GNAQ: variants seen among roughly 807,000 people sequenced by gnomAD.
GNAQ encodes G protein subunit alpha q.
Under a neutral mutation model 43.9 loss-of-function variants are expected in GNAQ, and 8 were observed. The ratio of observed to expected loss-of-function variants is 0.18; its 90% CI spans 0.11 to 0.33. The LOEUF is 0.33. Ranked by LOEUF, GNAQ falls within the 10% of genes least tolerant of loss-of-function variation. GNAQ has a pLI of 1.00. For missense variants in GNAQ, 158 were observed against 450.8 expected, an observed-to-expected ratio of 0.35 and a Z score of 5.88; for synonymous variants, 155 against 170.7, an observed-to-expected ratio of 0.91 and a Z score of 0.71.
chr9:77,999,257 A>C (rs1000185061), intron 1 of GNAQ, among the ~76,000 whole-genome samples: 1 of 152,200 alleles, frequency 6.6e-6, no homozygotes, highest in Non-Finnish European at 1.5e-5. Context: ...TACATGATTC[A>C]ATTCTAGTCA....
At chr9:77,734,133 C>T (rs1373246957) in intron 5 of GNAQ, among the ~76,000 whole-genome samples, 1 of 152,208 alleles carries the variant, frequency 6.6e-6, no homozygotes, top group African/African-American at 2.4e-5. Flanking sequence ...TCCTTATCCC[C>T]CTCCACCATA....
At chr9:77,844,256 C>G (rs929930894) in intron 2 of GNAQ, among the ~76,000 whole-genome samples, 4 of 152,070 alleles carry the variant, frequency 2.6e-5, no homozygotes, top group Non-Finnish European at 4.4e-5. Flanking sequence ...AATAATGATC[C>G]CACTCCTGGG....
At chr9:77,827,405 A>G (rs1324611960) in intron 2 of GNAQ, among the ~76,000 whole-genome samples, 1 of 149,876 alleles carries the variant, frequency 6.7e-6, no homozygotes, top group East Asian at 2.0e-4. Context: ...AAAAAAACTG[A>G]GCAACTTGCA....
chr9:77,856,812 T>A (rs552137704), intron 2 of GNAQ, among the ~76,000 whole-genome samples: 2 of 152,376 alleles, frequency 1.3e-5, no homozygotes, highest in African/African-American at 4.8e-5. Flanking sequence ...TTATTACTTT[T>A]CATTGTTTAA....
intron 5 of GNAQ, among the ~76,000 whole-genome samples, chr9:77,763,167 G>GT (rs1826082207): frequency 6.8e-6 from 1 of 148,058 alleles, no homozygotes; most frequent in African/African-American, 2.6e-5. Context: ...AAAGGAAAAG[G>GT]TAAGTGCCAG....
chr9:77,844,916 C>G (rs1827557945), intron 2 of GNAQ, among the ~76,000 whole-genome samples: 1 of 152,146 alleles, frequency 6.6e-6, no homozygotes, highest in Non-Finnish European at 1.5e-5. Flanking sequence ...CTTGGGTGAT[C>G]TGCCTGCCTC....
intron 1 of GNAQ, among the ~76,000 whole-genome samples, chr9:77,938,799 A>G (rs1345554770): frequency 6.6e-6 from 1 of 152,242 alleles, no homozygotes. Flanking sequence ...CATACAGGCT[A>G]GAAGCGCGAT....
chr9:77,924,844 C>A (rs1301082867), intron 1 of GNAQ, among the ~76,000 whole-genome samples: 2 of 152,108 alleles, frequency 1.3e-5, no homozygotes, highest in Non-Finnish European at 2.9e-5. Context: ...GATCCTTTCT[C>A]AACCATCTCA....
intron 2 of GNAQ, among the ~76,000 whole-genome samples, chr9:77,826,725 A>G (rs1827203780): frequency 6.6e-6 from 1 of 152,354 alleles, no homozygotes; most frequent in East Asian, 1.9e-4. Flanking sequence ...TGAGGTAATG[A>G]TAACTATGTC....
At chr9:77,977,821 T>C (rs916617650) in intron 1 of GNAQ, among the ~76,000 whole-genome samples, 1 of 152,196 alleles carries the variant, frequency 6.6e-6, no homozygotes, top group South Asian at 2.1e-4. Context: ...GATCCAACCA[T>C]GAAACCAGTT....
At chr9:77,842,261 T>C (rs931824573) in intron 2 of GNAQ, among the ~76,000 whole-genome samples, 5 of 152,192 alleles carry the variant, frequency 3.3e-5, no homozygotes, top group Non-Finnish European at 7.3e-5. Flanking sequence ...GCATGGAAAC[T>C]ACCACTTGGG....
chr9:77,726,925 TTCTATC>T (rs1458165862), intron 6 of GNAQ, among the ~76,000 whole-genome samples: 3 of 152,194 alleles, frequency 2.0e-5, no homozygotes, highest in Non-Finnish European at 4.4e-5. Flanking sequence ...TTGCAAACAA[TTCTATC>T]TCTGTCACAA....
chr9:77,818,438 A>AT (rs1285573415), intron 2 of GNAQ, among the ~76,000 whole-genome samples: 1 of 151,314 alleles, frequency 6.6e-6, no homozygotes, highest in African/African-American at 2.4e-5. Flanking sequence ...AATACTCTCA[A>AT]TTTTTTGTAA....
At chr9:77,929,238 G>A (rs771145777) in intron 1 of GNAQ, among the ~76,000 whole-genome samples, 3 of 151,980 alleles carry the variant, frequency 2.0e-5, no homozygotes, top group Non-Finnish European at 4.4e-5. Context: ...GATGTATTTT[G>A]GAGAAAAGGT....
rs111564908 is a variant in GNAQ at position 77,863,628 on chromosome 9, C to T, written c.322-47858G>A. ...CCCCACTCTATTGGTACCAATTTAC[C>T]GTACTAGTCCATTTCACGCTGCTGA... On this transcript the variant is annotated intron_variant, in intron 2 of 6. Coordinates refer to ENST00000286548, the MANE Select transcript of GNAQ (RefSeq NM_002072.5). 6.6e-3 allele frequency among the ~76,000 whole-genome samples: 1,001 copies of T among 152,198 alleles called. 4 individuals are homozygous for T. Among genetic ancestry groups the T allele is most frequent in the African/African-American group, 0.023 (942 of 41,536 alleles).
At chr9:78,005,189 G>C (rs1326582682) in intron 1 of GNAQ, among the ~76,000 whole-genome samples, 1 of 152,074 alleles carries the variant, frequency 6.6e-6, no homozygotes, top group Non-Finnish European at 1.5e-5. Flanking sequence ...GGGACCACAG[G>C]TGGGCACCAC....
intron 5 of GNAQ, among the ~76,000 whole-genome samples, chr9:77,769,695 C>T (rs1425128922): frequency 7.3e-6 from 1 of 137,530 alleles, no homozygotes; most frequent in East Asian, 2.2e-4. Context: ...GATGGAGTCT[C>T]GCTCTGTCAC....
intron 1 of GNAQ, among the ~76,000 whole-genome samples, chr9:77,947,759 G>A (rs1315217996): frequency 1.3e-5 from 2 of 152,198 alleles, no homozygotes; most frequent in Non-Finnish European, 2.9e-5. Context: ...CTGCAGTTCT[G>A]GGGTGGAGCA....
At chr9:77,848,823 G>T (rs1293371765) in intron 2 of GNAQ, among the ~76,000 whole-genome samples, 1 of 152,130 alleles carries the variant, frequency 6.6e-6, no homozygotes, top group African/African-American at 2.4e-5. Flanking sequence ...GAAGTTCTTT[G>T]TTGGGGAAAA....
Sources: allele counts gnomAD v4.1 joint callset (sites outside exome capture counted in the v4.1 genomes callset), GRCh38; gene constraint gnomAD v4.1.1; transcripts MANE v1.5; gene names NCBI Gene and HGNC (gene_info 2026-07-23, HGNC 2026-07-21).